Variants in ST6GAL1 observed in about 807,000 individuals in gnomAD.
ST6GAL1 encodes beta-galactoside alpha-2,6-sialyltransferase 1.
In ST6GAL1, 20 loss-of-function variants were observed where a neutral mutation model predicts 38.0. The observed-to-expected ratio is 0.53, with a 90% confidence interval of 0.37 to 0.77. ST6GAL1 has a LOEUF of 0.77. Among genes scored for constraint, ST6GAL1 ranks in the 30% least tolerant of loss-of-function variants. The pLI is 0.00. For missense variants in ST6GAL1, 432 were observed against 496.4 expected, an observed-to-expected ratio of 0.87 and a Z score of 1.23; for synonymous variants, 196 against 188.2, an observed-to-expected ratio of 1.04 and a Z score of -0.34.
intron 1 of ST6GAL1, among the ~76,000 whole-genome samples, chr3:186,934,380 A>G (rs529508141): frequency 2.6e-5 from 4 of 152,118 alleles, no homozygotes; most frequent in Admixed American, 6.5e-5. Context: ...TACCTCCCCC[A>G]CCGCCATCTC....
chr3:187,050,814 C>T (rs1718489224), intron 4 of ST6GAL1, among the ~76,000 whole-genome samples: 1 of 152,150 alleles, frequency 6.6e-6, no homozygotes, highest in Admixed American at 6.5e-5. Context: ...GTCCTTTGCA[C>T]TTGTGGGATA....
At chr3:187,058,041 C>T (rs1237021760) in intron 5 of ST6GAL1, among the ~76,000 whole-genome samples, 4 of 152,206 alleles carry the variant, frequency 2.6e-5, no homozygotes, top group Admixed American at 6.5e-5. Context: ...TCTTGCAGGT[C>T]GATCTCAGAC....
At chr3:187,032,994 C>G (rs1717804589) in intron 2 of ST6GAL1, among the ~76,000 whole-genome samples, 1 of 152,226 alleles carries the variant, frequency 6.6e-6, no homozygotes, top group South Asian at 2.1e-4. Context: ...AATGCTAGAT[C>G]TCCTAGGACA....
chr3:187,066,151 A>C (rs2108598672), intron 5 of ST6GAL1, among the ~76,000 whole-genome samples: 1 of 152,306 alleles, frequency 6.6e-6, no homozygotes, highest in African/African-American at 2.4e-5. Flanking sequence ...GGTGATTTTG[A>C]TGGAACCCCT....
chr3:186,988,565 TG>T (rs749484935), intron 2 of ST6GAL1, among the ~76,000 whole-genome samples: 6 of 17,074 alleles, frequency 3.5e-4, no homozygotes, highest in African/African-American at 1.3e-3. Flanking sequence ...TGTTTTGGGG[TG>T]GGGGGGTGGT....
At chr3:187,028,173 C>T (rs1717611598) in intron 2 of ST6GAL1, among the ~76,000 whole-genome samples, 1 of 152,086 alleles carries the variant, frequency 6.6e-6, no homozygotes, top group Admixed American at 6.5e-5. Flanking sequence ...AGAAATAAGG[C>T]ATTTTAAAGA....
intron 2 of ST6GAL1, among the ~76,000 whole-genome samples, chr3:187,020,828 T>C (rs1209472495): frequency 6.6e-6 from 1 of 152,192 alleles, no homozygotes; most frequent in African/African-American, 2.4e-5. Context: ...GTTTTATACA[T>C]TTTAGGGAGA....
At chr3:186,955,333 T>A in intron 1 of ST6GAL1, among the ~76,000 whole-genome samples, 1 of 152,214 alleles carries the variant, frequency 6.6e-6, no homozygotes, top group East Asian at 1.9e-4. Context: ...TGGTTCCATG[T>A]GAATTTTAAA....
intron 2 of ST6GAL1, among the ~76,000 whole-genome samples, chr3:186,995,921 A>G (rs1294098815): frequency 1.3e-5 from 2 of 152,152 alleles, no homozygotes. Context: ...TTGAAATATA[A>G]TCTTTGGGTG....
chr3:186,989,078 A>G (rs772361992), intron 2 of ST6GAL1, among the ~76,000 whole-genome samples: 1 of 152,216 alleles, frequency 6.6e-6, no homozygotes, highest in Non-Finnish European at 1.5e-5. Flanking sequence ...CTTGTTTTAC[A>G]GTAATTGGGT....
At chr3:187,066,378 A>G (rs1456336001) in intron 5 of ST6GAL1, among the ~76,000 whole-genome samples, 1 of 152,080 alleles carries the variant, frequency 6.6e-6, no homozygotes, top group Non-Finnish European at 1.5e-5. Flanking sequence ...TTGTAAGGAC[A>G]CTGGCCCCAT....
chr3:186,998,445 A>G (rs1482605825), intron 2 of ST6GAL1, among the ~76,000 whole-genome samples: 1 of 152,232 alleles, frequency 6.6e-6, no homozygotes, highest in African/African-American at 2.4e-5. Context: ...TGTATTTATT[A>G]TTTAGTAAGT....
At chr3:186,971,305 C>T (rs1280452614) in intron 2 of ST6GAL1, among the ~76,000 whole-genome samples, 1 of 152,194 alleles carries the variant, frequency 6.6e-6, no homozygotes, top group Non-Finnish European at 1.5e-5. Context: ...TGGCCAGTGG[C>T]CAGTCTGGTC....
At chr3:186,945,237 T>A (rs529314883) in intron 1 of ST6GAL1, among the ~76,000 whole-genome samples, 1 of 151,462 alleles carries the variant, frequency 6.6e-6, no homozygotes, top group South Asian at 2.1e-4. Context: ...GCCCAGGAGC[T>A]CGGGGCTGCA....
chr3:186,994,812 G>A lies in ST6GAL1; in HGVS notation c.-183+30886G>A, dbSNP rs145668669. Among the ~76,000 whole-genome samples, 689 of 151,506 alleles carry A rather than the reference G, an allele frequency of 4.5e-3. 3 individuals are homozygous for A. Among genetic ancestry groups the A allele is most frequent in the African/African-American group, 0.016 (656 of 41,258 alleles). On this transcript the variant is annotated intron_variant, in intron 2 of 7. Coordinates refer to ENST00000169298, the MANE Select transcript of ST6GAL1 (RefSeq NM_173216.2). ...CACAAAATTTAGCCAGGCATGGTGG[G>A]CGCCTGTAATCTCAGCTACTTAGGA...
At chr3:187,019,087 CAAAT>C (rs1717211382) in intron 2 of ST6GAL1, among the ~76,000 whole-genome samples, 1 of 152,178 alleles carries the variant, frequency 6.6e-6, no homozygotes, top group Non-Finnish European at 1.5e-5. Context: ...CATTTGATAA[CAAAT>C]AACTCAAATT....
rs56343190 is a variant in ST6GAL1 at position 187,050,255 on chromosome 3, G to C, written c.608-994G>C. Among the ~76,000 whole-genome samples, 3 of 152,000 alleles carry C rather than the reference G, an allele frequency of 2.0e-5. No individual in the cohort carries two copies. In the South Asian group the frequency reaches 6.2e-4, roughly 32 times the overall value. On this transcript the variant is annotated intron_variant, in intron 4 of 7. Coordinates refer to ENST00000169298, the MANE Select transcript of ST6GAL1 (RefSeq NM_173216.2). ...AGGATTCAGCTGACCCCCAGATCCC[G>C]TGTAGATTTCAGTGGTGAGCCCCAA...
chr3:187,043,198 G>C lies in ST6GAL1; in HGVS notation c.495G>C (p.Trp165Cys). ...ATTTTCCCTTCAATACCTCTGAATG[G>C]GAGGGTTATCTGCCCAAGGAGAGCA... ...VTDFPFNTSE[W>C]EGYLPKESIR... The change falls in exon 4 of 8, where the codon TGG (tryptophan) becomes TGC (cysteine). Residue 165 changes from tryptophan (W) to cysteine (C), a missense_variant. Trp to Cys is a radical substitution (Grantham distance 215). Transcript: ENST00000169298. The C allele has an allele frequency of 6.2e-7, 1 of 1,614,234 alleles. No homozygotes were observed. The highest frequency in any genetic ancestry group is 8.5e-7 in the Non-Finnish European group (1 of 1,180,038).
At chr3:187,005,060 G>GT (rs59111563) in intron 2 of ST6GAL1, among the ~76,000 whole-genome samples, 39,015 of 148,664 alleles carry the variant, frequency 0.26, 4,975 homozygotes, top group South Asian at 0.36. Context: ...TGGTATTGCA[G>GT]TTTTTTTTTT....
Sources: allele counts gnomAD v4.1 joint callset (sites outside exome capture counted in the v4.1 genomes callset), GRCh38; gene constraint gnomAD v4.1.1; transcripts MANE v1.5; gene names NCBI Gene and HGNC (gene_info 2026-07-23, HGNC 2026-07-21).